Variants in PCDH7 observed in about 807,000 individuals in gnomAD.
The protein encoded by PCDH7 is protocadherin-7.
A neutral mutation model predicts 58.9 loss-of-function variants in PCDH7; 17 were observed. The observed-to-expected ratio is 0.29, with a 90% CI of 0.20 to 0.43. PCDH7 has a LOEUF of 0.43. Ranked by LOEUF, PCDH7 falls within the 20% of genes least tolerant of loss-of-function variation. The pLI is 1.00. For synonymous variants in PCDH7, 664 were observed against 616.4 expected, an observed-to-expected ratio of 1.08 and a Z score of -1.14; for missense variants, 1,274 against 1,441.0, an observed-to-expected ratio of 0.88 and a Z score of 1.88.
At chr4:31,037,218 T>G (rs1755483763) in intron 3 of PCDH7, among the ~76,000 whole-genome samples, 1 of 152,216 alleles carries the variant, frequency 6.6e-6, no homozygotes, top group Non-Finnish European at 1.5e-5. Flanking sequence ...CCTTGTTCTC[T>G]ATCCTTGAAA....
At chr4:30,922,943 A>G (rs563616989) in intron 2 of PCDH7, among the ~76,000 whole-genome samples, 33 of 152,258 alleles carry the variant, frequency 2.2e-4, no homozygotes, top group African/African-American at 7.9e-4. Flanking sequence ...AATTCTGGTA[A>G]TTTCATCTTC....
chr4:31,036,785 G>C (rs1461283695), intron 3 of PCDH7, among the ~76,000 whole-genome samples: 1 of 152,138 alleles, frequency 6.6e-6, no homozygotes, highest in Non-Finnish European at 1.5e-5. Flanking sequence ...ACATACTGGA[G>C]ACTGGGCAAT....
chr4:30,927,502 T>C (rs1475062376), intron 2 of PCDH7, among the ~76,000 whole-genome samples: 4 of 151,854 alleles, frequency 2.6e-5, no homozygotes, highest in Non-Finnish European at 5.9e-5. Flanking sequence ...TTTCATTTTG[T>C]TCTGTACTAA....
chr4:30,788,558 T>A (rs1395917331), intron 1 of PCDH7, among the ~76,000 whole-genome samples: 1 of 152,156 alleles, frequency 6.6e-6, no homozygotes, highest in Non-Finnish European at 1.5e-5. Context: ...AAAAAACTAC[T>A]TTATAAAATG....
At chr4:31,143,822 C>T (rs952996919), downstream of PCDH7, 4 of 152,102 alleles carry the variant, frequency 2.6e-5, no homozygotes, top group African/African-American at 7.2e-5. Context: ...TTTTATAGTG[C>T]CCAGGAAAAT....
At chr4:30,926,190 G>T (rs1743844782) in intron 2 of PCDH7, among the ~76,000 whole-genome samples, 1 of 145,036 alleles carries the variant, frequency 6.9e-6, no homozygotes, top group South Asian at 2.2e-4. Context: ...ACTTTAGGTC[G>T]TTTTTTTTTT....
chr4:30,817,848 C>T (rs1180258905), intron 1 of PCDH7, among the ~76,000 whole-genome samples: 3 of 152,198 alleles, frequency 2.0e-5, no homozygotes, highest in Admixed American at 2.0e-4. Flanking sequence ...AAAACCATAG[C>T]CAGAACACTT....
intron 3 of PCDH7, among the ~76,000 whole-genome samples, chr4:31,040,745 TA>T (rs147066339): frequency 0.032 from 4,790 of 151,992 alleles, 231 homozygotes; most frequent in African/African-American, 0.11. Flanking sequence ...CAATTTGAGT[TA>T]AAAAAAAGAC....
At chr4:31,118,450 C>T (rs1385884209) in intron 3 of PCDH7, among the ~76,000 whole-genome samples, 4 of 151,922 alleles carry the variant, frequency 2.6e-5, no homozygotes, top group Non-Finnish European at 5.9e-5. Context: ...AGTCATTTGG[C>T]GGTCTTTCCG....
chr4:31,053,996 G>T (rs1046484485), intron 3 of PCDH7, among the ~76,000 whole-genome samples: 4 of 152,008 alleles, frequency 2.6e-5, no homozygotes, highest in Non-Finnish European at 4.4e-5. Flanking sequence ...GTCTTGTTCT[G>T]TCATCCAGAC....
chr4:30,848,705 T>C (rs994026365), intron 1 of PCDH7, among the ~76,000 whole-genome samples: 1 of 152,122 alleles, frequency 6.6e-6, no homozygotes, highest in Non-Finnish European at 1.5e-5. Context: ...GACAGCATAG[T>C]TAAGAATCTC....
chr4:31,007,576 T>C (rs1445979706), intron 3 of PCDH7, among the ~76,000 whole-genome samples: 3 of 150,190 alleles, frequency 2.0e-5, no homozygotes, highest in Admixed American at 6.6e-5. Flanking sequence ...CTAGAAGATA[T>C]GGTTTTATGG....
At chr4:30,957,986 G>A (rs1342196446) in intron 3 of PCDH7, among the ~76,000 whole-genome samples, 1 of 152,012 alleles carries the variant, frequency 6.6e-6, no homozygotes, top group East Asian at 1.9e-4. Context: ...TTGAACTTAA[G>A]AAAATTGTCA....
chr4:30,858,795 A>T (rs1733809402), intron 1 of PCDH7, among the ~76,000 whole-genome samples: 1 of 152,056 alleles, frequency 6.6e-6, no homozygotes, highest in South Asian at 2.1e-4. Context: ...CTGAGATTCC[A>T]CATGAAGTCT....
At chr4:30,940,243 T>C (rs199711902) in intron 2 of PCDH7, among the ~76,000 whole-genome samples, 2 of 152,156 alleles carry the variant, frequency 1.3e-5, no homozygotes, top group East Asian at 3.9e-4. Context: ...GATTGCTTTT[T>C]TTGTCTTGAA....
intron 1 of PCDH7, among the ~76,000 whole-genome samples, chr4:30,837,556 A>G (rs75084222): frequency 7.3e-5 from 11 of 150,352 alleles, no homozygotes; most frequent in African/African-American, 1.5e-4. Context: ...GAAAATAGAG[A>G]AAAAAAAACG....
intron 3 of PCDH7, among the ~76,000 whole-genome samples, chr4:31,093,123 T>A (rs1578775704): frequency 6.6e-6 from 1 of 152,248 alleles, no homozygotes; most frequent in Middle Eastern, 3.4e-3. Context: ...ATGGATGATG[T>A]ATCCTTATTT....
intron 1 of PCDH7, among the ~76,000 whole-genome samples, chr4:30,839,023 A>C (rs1161554754): frequency 1.3e-5 from 2 of 152,010 alleles, no homozygotes; most frequent in African/African-American, 2.4e-5. Flanking sequence ...TCAAGTAACA[A>C]TAGAGCACTA....
chr4:30,943,711 AT>A (rs977371247), intron 2 of PCDH7, among the ~76,000 whole-genome samples: 30 of 148,214 alleles, frequency 2.0e-4, no homozygotes, highest in African/African-American at 5.0e-4. Flanking sequence ...ACATTATGAG[AT>A]TTTTTTTTGC....
Sources: allele counts gnomAD v4.1 joint callset (sites outside exome capture counted in the v4.1 genomes callset), GRCh38; gene constraint gnomAD v4.1.1; transcripts MANE v1.5; gene names NCBI Gene and HGNC (gene_info 2026-07-23, HGNC 2026-07-21).